Variants in FNIP1 observed in about 807,000 individuals in gnomAD.
FNIP1 encodes the protein folliculin-interacting protein 1.
In FNIP1, 40 loss-of-function variants were observed where a neutral mutation model predicts 124.5. That is an observed-to-expected ratio of 0.32 (90% confidence interval 0.25 to 0.42). FNIP1 has a LOEUF of 0.42. Among genes scored for constraint, FNIP1 ranks in the 10% least tolerant of loss-of-function variants. FNIP1 has a pLI of 1.00. For synonymous variants in FNIP1, 472 were observed against 470.6 expected, an observed-to-expected ratio of 1.00 and a Z score of -0.04; for missense variants, 1,176 against 1,403.7, an observed-to-expected ratio of 0.84 and a Z score of 2.59.
At chr5:131,757,112 G>A (rs1199145851) in intron 1 of FNIP1, among the ~76,000 whole-genome samples, 1 of 152,168 alleles carries the variant, frequency 6.6e-6, no homozygotes, top group African/African-American at 2.4e-5. Flanking sequence ...AGGAGAAAAG[G>A]AAGTATAAAA....
At position 131,714,062 on chromosome 5, in the gene FNIP1, C is replaced by A. The variant is rs567403712; in HGVS notation, c.622+2503G>T. Reference sequence around the variant, plus strand: ...ATAAAGAGTATGTTGATTAAGAACACCTGCTGAAATCTATTGCCACATTTG... The same window carrying A: ...ATAAAGAGTATGTTGATTAAGAACAACTGCTGAAATCTATTGCCACATTTG... On this transcript the variant is annotated intron_variant, in intron 6 of 17. Transcript: ENST00000510461. Among the ~76,000 whole-genome samples the A allele has an allele frequency of 7.9e-5, 12 of 152,308 alleles. No homozygotes were observed. The East Asian group carries it at 2.3e-3, about 29-fold the overall frequency.
chr5:131,690,648 T>G (rs549706884), intron 11 of FNIP1, among the ~76,000 whole-genome samples: 2 of 152,186 alleles, frequency 1.3e-5, no homozygotes. Context: ...CAATTAAACC[T>G]CTTCCCATTA....
At chr5:131,776,726 C>T (rs150101760) in intron 1 of FNIP1, among the ~76,000 whole-genome samples, 1 of 152,208 alleles carries the variant, frequency 6.6e-6, no homozygotes, top group Non-Finnish European at 1.5e-5. Context: ...CTAATTTATA[C>T]TGTTAGAAGT....
At chr5:131,685,544 G>A (rs1768245804) in intron 11 of FNIP1, among the ~76,000 whole-genome samples, 1 of 150,856 alleles carries the variant, frequency 6.6e-6, no homozygotes, top group Non-Finnish European at 1.5e-5. Context: ...CGCCTCCGAG[G>A]CTCCCTGGTT....
intron 1 of FNIP1, among the ~76,000 whole-genome samples, chr5:131,794,970 A>C (rs771444728): frequency 2.0e-5 from 3 of 152,252 alleles, no homozygotes; most frequent in Non-Finnish European, 4.4e-5. Flanking sequence ...ATGTATGCTT[A>C]AAATGTATTT....
Position 131,671,559 on chromosome 5 carries a change from T to C in FNIP1, c.2885A>G (p.Tyr962Cys), listed in dbSNP as rs1163073368. 1 of 1,613,222 alleles carries C rather than the reference T, an allele frequency of 6.2e-7. No homozygotes were observed. Among genetic ancestry groups the C allele is most frequent in the Non-Finnish European group, 8.5e-7 (1 of 1,179,996 alleles). ...GHDMTRQVSS[Y>C]YGGEQEDWAE... Reference sequence around the variant, plus strand: ...CCAATCTTCTTGCTCTCCTCCATAATAACTGCTAACTTGTCTAGTCATATC... The same window carrying C: ...CCAATCTTCTTGCTCTCCTCCATAACAACTGCTAACTTGTCTAGTCATATC... The change falls in exon 14 of 18, where the codon TAT becomes TGT. Residue 962 changes from tyrosine (Y) to cysteine (C), a missense_variant. Coordinates refer to ENST00000510461, the MANE Select transcript of FNIP1 (RefSeq NM_133372.3).
At chr5:131,665,332 T>C (rs1407933364) in intron 15 of FNIP1, among the ~76,000 whole-genome samples, 1 of 152,016 alleles carries the variant, frequency 6.6e-6, no homozygotes, top group Non-Finnish European at 1.5e-5. Context: ...AAATTTGTGT[T>C]TGGCTTTCTT....
intron 2 of FNIP1, among the ~76,000 whole-genome samples, chr5:131,732,660 G>A (rs1225111227): frequency 6.6e-6 from 1 of 152,162 alleles, no homozygotes; most frequent in African/African-American, 2.4e-5. Flanking sequence ...TATTATTTCT[G>A]AGGGCTCTTT....
chr5:131,655,942 CA>C lies in FNIP1; in HGVS notation c.3109-3944del, dbSNP rs905412265. 2.6e-4 allele frequency among the ~76,000 whole-genome samples: 39 copies of C among 148,616 alleles called. No individual in the cohort carries two copies. In the East Asian group the frequency reaches 4.8e-3, roughly 18 times the overall value. On this transcript the variant is annotated intron_variant, in intron 15 of 17. Coordinates refer to ENST00000510461, the MANE Select transcript of FNIP1 (RefSeq NM_133372.3). The stretch of plus-strand genomic sequence containing the variant: ...CAAAAAACAACAAAACAAAACAAAA[CA>C]AAAAAAAAACTAATCTCTTTTGGGA...
chr5:131,683,421 T>C (rs1417754023), intron 11 of FNIP1, among the ~76,000 whole-genome samples: 2 of 151,578 alleles, frequency 1.3e-5, no homozygotes, highest in Non-Finnish European at 2.9e-5. Flanking sequence ...GGCGTGGTGG[T>C]GGGCACCTGT....
At chr5:131,744,788 A>C in intron 1 of FNIP1, 98 bp from the exon 2 acceptor site, 8 of 878,866 alleles carry the variant, frequency 9.1e-6, no homozygotes, top group Non-Finnish European at 1.2e-5. Context: ...ATAAAGCCCA[A>C]AATTATCTTA....
chr5:131,670,677 T>A, intron 14 of FNIP1, 46 bp from the exon 15 acceptor site: 2 of 1,383,448 alleles, frequency 1.4e-6, no homozygotes, highest in Non-Finnish European at 1.9e-6. Context: ...GTAATAAATA[T>A]ATTTAACCAG....
At chr5:131,651,397 C>T (rs1439167992) in intron 16 of FNIP1, among the ~76,000 whole-genome samples, 1 of 152,134 alleles carries the variant, frequency 6.6e-6, no homozygotes, top group African/African-American at 2.4e-5. Flanking sequence ...CTGTCTCAAA[C>T]AAACAAAAAA....
chr5:131,703,066 C>A (rs1768956217), intron 10 of FNIP1, among the ~76,000 whole-genome samples: 1 of 152,138 alleles, frequency 6.6e-6, no homozygotes, highest in African/African-American at 2.4e-5. Context: ...TATAAAATAC[C>A]CATCTTCCTT....
At chr5:131,692,045 GGGAA>G (rs1768497901) in intron 11 of FNIP1, among the ~76,000 whole-genome samples, 2 of 151,776 alleles carry the variant, frequency 1.3e-5, no homozygotes, top group Admixed American at 1.3e-4. Context: ...ACAAAAAAGA[GGGAA>G]GGAAGGAAAG....
intron 2 of FNIP1, among the ~76,000 whole-genome samples, chr5:131,741,067 C>T (rs1022604316): frequency 2.0e-5 from 3 of 152,142 alleles, no homozygotes; most frequent in African/African-American, 2.4e-5. Flanking sequence ...CAGCAGGCCT[C>T]GGGGCTGGTC....
At chr5:131,682,581 G>A (rs1768126528) in intron 11 of FNIP1, among the ~76,000 whole-genome samples, 1 of 152,066 alleles carries the variant, frequency 6.6e-6, no homozygotes, top group African/African-American at 2.4e-5. Flanking sequence ...GCTGGGTGTG[G>A]TGGTGAGTGC....
At chr5:131,775,404 T>A (rs1438281321) in intron 1 of FNIP1, among the ~76,000 whole-genome samples, 1 of 151,806 alleles carries the variant, frequency 6.6e-6, no homozygotes, top group African/African-American at 2.4e-5. Flanking sequence ...AAGCATCTTT[T>A]ATACACAAGT....
chr5:131,709,295 C>A, intron 7 of FNIP1, 23 bp from the exon 8 acceptor site: 1 of 1,598,728 alleles, frequency 6.3e-7, no homozygotes. Flanking sequence ...ATGAAACTGT[C>A]AGTTATAAAA....
Sources: gnomAD v4.1 joint callset for allele counts (sites outside exome capture counted in the v4.1 genomes callset) on GRCh38, gnomAD v4.1.1 for gene constraint, MANE v1.5 for transcripts, NCBI Gene and HGNC (gene_info 2026-07-23, HGNC 2026-07-21) for gene names.